SLC35G1: variants seen among roughly 807,000 people sequenced by gnomAD.
The protein encoded by SLC35G1 is partner of STIM1.
SLC35G1 carries 10 observed loss-of-function variants against 17.1 expected under a neutral mutation model. That is an observed-to-expected ratio of 0.59 (90% CI 0.36 to 0.99). The LOEUF is 0.99. SLC35G1 is among the 50% of genes least tolerant of loss of function. The pLI, the probability that SLC35G1 is intolerant of heterozygous loss-of-function variation, is 0.01. For missense variants in SLC35G1, 433 were observed against 468.4 expected (o/e 0.92, Z 0.70); for synonymous variants, 185 against 181.1 (o/e 1.02, Z -0.18).
At chr10:93,898,331 A>G (rs933140885) in intron 1 of SLC35G1, among the ~76,000 whole-genome samples, 4 of 152,312 alleles carry the variant, frequency 2.6e-5, no homozygotes, top group South Asian at 2.1e-4. Flanking sequence ...TCAGTGAGCC[A>G]TAGGAAATCC....
In SLC35G1 at chr10:93,898,590, C is replaced by A; in HGVS notation, c.198C>A (p.Pro66=). The change falls in exon 2 of 3, where the codon CCC becomes CCA. Residue 66 remains proline (P), a synonymous_variant. Transcript: ENST00000427197. ...TTTCAGAAGCCAAGAAGAAAGCACC[C>A]TGTCCTGGACTTGGCTTGTTTTACA... The part of the protein sequence containing the change: ...RTEPEAKKKA[P]CPGLGLFYTL... 6.2e-7 allele frequency: 1 copy of A among 1,605,728 alleles called. No individual in the cohort carries two copies. The highest frequency in any genetic ancestry group is 8.5e-7 in the Non-Finnish European group (1 of 1,177,890).
Position 93,898,585 on chromosome 10 carries a change from G to A in SLC35G1, c.193G>A (p.Ala65Thr), listed in dbSNP as rs1437712385. 6.2e-7 allele frequency: 1 copy of A among 1,602,388 alleles called. No individual in the cohort carries two copies. The highest frequency in any genetic ancestry group is 8.5e-7 in the Non-Finnish European group (1 of 1,177,108). The change falls in exon 2 of 3, where the codon GCA (alanine) becomes ACA (threonine). Residue 65 changes from alanine to threonine, a missense_variant. Transcript: ENST00000427197. ...SRTEPEAKKK[A>T]PCPGLGLFYT... ...ATCTTTTTCAGAAGCCAAGAAGAAA[G>A]CACCCTGTCCTGGACTTGGCTTGTT...
intron 2 of SLC35G1, among the ~76,000 whole-genome samples, chr10:93,899,357 T>C (rs2060360696): frequency 1.3e-5 from 2 of 152,130 alleles, no homozygotes; most frequent in South Asian, 4.1e-4. Context: ...TAACAGTATA[T>C]GAAAATTGTC....
rs142541172 is a variant in SLC35G1, at chr10:93,898,860, T to C, written c.359+109T>C. On this transcript the variant is annotated intron_variant, in intron 2 of 2. Transcript: ENST00000427197. Reference sequence around the variant, plus strand: ...TTATCCATCTCATATACTTACCAGTTCCTATGCCCCTTGGCTCTGCTTAAT... The same window carrying C: ...TTATCCATCTCATATACTTACCAGTCCCTATGCCCCTTGGCTCTGCTTAAT... 115 of 1,084,398 alleles carry C rather than the reference T, an allele frequency of 1.1e-4. 2 individuals carry two copies. In the African/African-American group the frequency reaches 1.7e-3, roughly 16 times the overall value. 67.2% of individuals were successfully genotyped at this position (1,084,398 alleles called of 1,614,324 possible).
At chr10:93,895,431 C>A (rs1196691146) in intron 1 of SLC35G1, among the ~76,000 whole-genome samples, 6 of 152,204 alleles carry the variant, frequency 3.9e-5, no homozygotes, top group Admixed American at 3.9e-4. Flanking sequence ...GAATGTCCTT[C>A]TGGTGGCATG....
intron 1 of SLC35G1, among the ~76,000 whole-genome samples, chr10:93,897,363 T>C (rs922847052): frequency 1.3e-5 from 2 of 152,200 alleles, no homozygotes; most frequent in African/African-American, 4.8e-5. Context: ...TAAAAAACAT[T>C]ACACAATACT....
At chr10:93,897,054 G>A (rs921545321) in intron 1 of SLC35G1, among the ~76,000 whole-genome samples, 9 of 152,184 alleles carry the variant, frequency 5.9e-5, no homozygotes, top group South Asian at 2.1e-4. Context: ...CTTCCTTCTC[G>A]TGGGCTGCGT....
Position 93,894,055 on chromosome 10 carries a change from G to A in SLC35G1, c.22G>A (p.Gly8Arg), listed in dbSNP as rs775254436. ...CGAGATGCGGCCTCAGGACAGCACC[G>A]GGGTCGCGGAGCTCCAGGAGCCCGG... MRPQDST[G>R]VAELQEPGLP... is the part of the protein sequence containing the mutation. Residue 8 changes from glycine (G) to arginine (R), a missense_variant, in exon 1 of 3, where the codon GGG becomes AGG. Coordinates refer to ENST00000427197, the MANE Select transcript of SLC35G1 (RefSeq NM_001134658.3). 22 of 1,480,916 alleles carry A rather than the reference G, an allele frequency of 1.5e-5. No individual in the cohort carries two copies. Among genetic ancestry groups the A allele is most frequent in the Non-Finnish European group, 1.8e-5 (20 of 1,124,024 alleles). The allele number at this position is 1,480,916 out of a possible 1,614,324, so 91.7% of individuals were successfully genotyped here.
intron 2 of SLC35G1, among the ~76,000 whole-genome samples, 165 bp downstream of exon 2, chr10:93,898,916 T>G (rs146893834): frequency 6.6e-6 from 1 of 152,284 alleles, no homozygotes; most frequent in East Asian, 1.9e-4. Context: ...CCACAGAAGA[T>G]TCTACCATGA....
Position 93,900,857 on chromosome 10 carries a change from C to T in SLC35G1, c.465C>T (p.Ser155=). The T allele has an allele frequency of 1.2e-6, 2 of 1,613,996 alleles. No homozygotes were observed. The highest frequency in any genetic ancestry group is 1.7e-6 in the Non-Finnish European group (2 of 1,179,946). The change falls in exon 3 of 3, where the codon TCC becomes TCT. Residue 155 remains serine, a synonymous_variant. Transcript: ENST00000427197. The stretch of plus-strand genomic sequence containing the variant: ...TATACTATGCTTACCAGACAATGTC[C>T]CTCGCTGATGCCACAGTTATCACGT... ...MLIYYAYQTM[S]LADATVITFS... is the part of the protein sequence containing the mutation.
chr10:93,899,510 C>T (rs749210038), intron 2 of SLC35G1, among the ~76,000 whole-genome samples: 89 of 152,258 alleles, frequency 5.8e-4, no homozygotes, highest in African/African-American at 1.7e-3. Context: ...ACCCTGAGAG[C>T]GAGACCAGTT....
At chr10:93,896,183 AG>A (rs2060328163) in intron 1 of SLC35G1, among the ~76,000 whole-genome samples, 1 of 151,994 alleles carries the variant, frequency 6.6e-6, no homozygotes, top group African/African-American at 2.4e-5. Flanking sequence ...TGCATTGATG[AG>A]GGGGTTTCCC....
At chr10:93,899,976 C>G (rs548432995) in intron 2 of SLC35G1, among the ~76,000 whole-genome samples, 3 of 152,248 alleles carry the variant, frequency 2.0e-5, no homozygotes, top group Admixed American at 2.0e-4. Context: ...ATTTTAACTC[C>G]AAGATACCCG....
At chr10:93,895,344 C>T (rs59551778) in intron 1 of SLC35G1, among the ~76,000 whole-genome samples, 1,924 of 152,292 alleles carry the variant, frequency 0.013, 37 homozygotes, top group African/African-American at 0.044. Flanking sequence ...GCCTCTAGAA[C>T]AGGGGTTATG....
At chr10:93,894,980 C>G (rs1430994561) in intron 1 of SLC35G1, among the ~76,000 whole-genome samples, 1 of 152,190 alleles carries the variant, frequency 6.6e-6, no homozygotes, top group African/African-American at 2.4e-5. Context: ...GTTAGGATCC[C>G]AGCTTGCCAT....
chr10:93,894,380 A>C (rs776743894), intron 1 of SLC35G1, among the ~76,000 whole-genome samples, 169 bp downstream of exon 1: 3 of 151,986 alleles, frequency 2.0e-5, no homozygotes, highest in Non-Finnish European at 4.4e-5. Flanking sequence ...TGCAAAGCGG[A>C]ATTCCCGGCG....
chr10:93,894,271 C>A, intron 1 of SLC35G1, 60 bp downstream of exon 1: 1 of 1,295,106 alleles, frequency 7.7e-7, no homozygotes, highest in East Asian at 3.2e-5. Context: ...CGGGCGCCGG[C>A]GGGTTGGGGT....
At chr10:93,905,508 T>G (rs1183760702), downstream of SLC35G1, among the ~76,000 whole-genome samples, 1 of 152,156 alleles carries the variant, frequency 6.6e-6, no homozygotes, top group Non-Finnish European at 1.5e-5. Flanking sequence ...TCTTTGAACA[T>G]TAAGTTTGGA....
Position 93,898,703 on chromosome 10 carries a change from G to T in SLC35G1, c.311G>T (p.Arg104Leu). The T allele has an allele frequency of 6.2e-7, 1 of 1,612,312 alleles. No individual in the cohort carries two copies. Among genetic ancestry groups the T allele is most frequent in the South Asian group, 1.1e-5 (1 of 90,628 alleles). The change falls in exon 2 of 3, where the codon CGA (arginine) becomes CTA (leucine). Residue 104 changes from arginine to leucine, a missense_variant. Arg to Leu is a moderately radical substitution (Grantham distance 102, BLOSUM62 -2). Transcript: ENST00000427197. Reference sequence around the variant, plus strand: ...CATGCTGTAGAGATTAGTGCGTTTCGATGTGTGTTCCAAATGCTAGTTGTT... The same window carrying T: ...CATGCTGTAGAGATTAGTGCGTTTCTATGTGTGTTCCAAATGCTAGTTGTT... Reference protein sequence around the residue: ...DVHAVEISAFRCVFQMLVVIP... With the variant: ...DVHAVEISAFLCVFQMLVVIP...
Sources: allele counts gnomAD v4.1 joint callset (sites outside exome capture counted in the v4.1 genomes callset), GRCh38; gene constraint gnomAD v4.1.1; transcripts MANE v1.5; gene names NCBI Gene and HGNC (gene_info 2026-07-23, HGNC 2026-07-21).